The following NTRK2 variants were observed in gnomAD, a reference collection of about 807,000 sequenced individuals.
The protein encoded by NTRK2 is neurotrophic receptor tyrosine kinase 2, also known as BDNF/NT-3 growth factors receptor.
Under a neutral mutation model 94.5 loss-of-function variants are expected in NTRK2, and 13 were observed. The observed-to-expected ratio is 0.14, with a 90% CI of 0.09 to 0.22. The LOEUF is 0.22. Ranked by LOEUF, NTRK2 falls within the 10% of genes least tolerant of loss-of-function variation. NTRK2 has a pLI of 1.00. For missense variants in NTRK2, 639 were observed against 1,071.2 expected (o/e 0.60, Z 5.63); for synonymous variants, 372 against 407.4 (o/e 0.91, Z 1.05).
At chr9:85,006,842 G>C (rs867657275) in intron 17 of NTRK2, among the ~76,000 whole-genome samples, 3 of 152,150 alleles carry the variant, frequency 2.0e-5, no homozygotes, top group Non-Finnish European at 4.4e-5. Context: ...ATCAGCTACT[G>C]TCCATTTTGC....
intron 4 of NTRK2, among the ~76,000 whole-genome samples, chr9:84,706,515 T>TTTTTTG (rs1329331792): frequency 1.8e-5 from 2 of 113,322 alleles, no homozygotes; most frequent in African/African-American, 7.1e-5. Context: ...ATGTGTGTTA[T>TTTTTTG]TTTTTGTTTT....
chr9:84,808,445 A>G (rs982223456), intron 12 of NTRK2, among the ~76,000 whole-genome samples: 5 of 152,198 alleles, frequency 3.3e-5, no homozygotes, highest in African/African-American at 9.6e-5. Context: ...TGCTGTCTCT[A>G]TCACTAAGTT....
chr9:84,698,390 T>C (rs987983460), intron 2 of NTRK2, among the ~76,000 whole-genome samples: 1 of 151,930 alleles, frequency 6.6e-6, no homozygotes, highest in Non-Finnish European at 1.5e-5. Flanking sequence ...ATCTAATATA[T>C]ATATATATAT....
rs923820423 is a variant in NTRK2, at chr9:84,702,208, G to A, written c.262G>A (p.Glu88Lys). The A allele has an allele frequency of 2.1e-5, 34 of 1,614,110 alleles. No homozygotes were observed. The highest frequency in any genetic ancestry group is 2.9e-5 in the Non-Finnish European group (34 of 1,180,036). The change falls in exon 3 of 19, where the codon GAA becomes AAA. Residue 88 changes from glutamate (E) to lysine (K), a missense_variant. Physicochemically the swap from Glu to Lys is moderately conservative, Grantham distance 56. Around this residue, in one of 5 missense-constraint regions of NTRK2, gnomAD observed 206 missense variants for 251.5 expected, o/e 0.82. Coordinates refer to ENST00000277120, the MANE Select transcript of NTRK2 (RefSeq NM_006180.6). ...RLEIINEDDV[E>K]AYVGLRNLTI... ...AGAAATCATCAACGAAGATGATGTT[G>A]AAGCTTATGTGGGACTGAGAAATCT...
intron 2 of NTRK2, among the ~76,000 whole-genome samples, chr9:84,692,547 T>C (rs907020236): frequency 6.7e-6 from 1 of 149,360 alleles, no homozygotes; most frequent in Non-Finnish European, 1.5e-5. Context: ...TTTGGCTCAC[T>C]GTAACCTCTG....
intron 15 of NTRK2, among the ~76,000 whole-genome samples, chr9:84,937,221 C>T (rs1177965163): frequency 1.3e-5 from 2 of 152,228 alleles, no homozygotes; most frequent in South Asian, 4.1e-4. Flanking sequence ...CACAGCTTCT[C>T]ACCTCTATGG....
chr9:84,927,441 G>A (rs536068835), intron 14 of NTRK2, among the ~76,000 whole-genome samples: 49 of 152,248 alleles, frequency 3.2e-4, no homozygotes, highest in African/African-American at 1.1e-3. Flanking sequence ...GGTCCTTGAA[G>A]ACAGGGATTA....
intron 14 of NTRK2, among the ~76,000 whole-genome samples, chr9:84,899,750 A>G (rs1587867727): frequency 6.7e-6 from 1 of 149,530 alleles, no homozygotes; most frequent in East Asian, 1.9e-4. Flanking sequence ...AAAGAGAGTT[A>G]GAGTCAGAAC....
chr9:84,972,440 GAA>G (rs1826295072), intron 17 of NTRK2, among the ~76,000 whole-genome samples: 1 of 152,206 alleles, frequency 6.6e-6, no homozygotes, highest in Admixed American at 6.5e-5. Flanking sequence ...GTGAGTTTAT[GAA>G]GGGGCTTCAG....
intron 14 of NTRK2, among the ~76,000 whole-genome samples, chr9:84,886,922 A>G (rs1274933151): frequency 2.0e-5 from 3 of 152,226 alleles, no homozygotes; most frequent in African/African-American, 7.2e-5. Flanking sequence ...GGAGCAGTGA[A>G]TGGGTGTAAT....
chr9:84,811,271 G>A, intron 12 of NTRK2: 2 of 1,065,010 alleles, frequency 1.9e-6, no homozygotes, highest in Non-Finnish European at 1.1e-6. Context: ...AAGTTCCTTA[G>A]CCAGCAAAAC....
rs946242557 is a variant in NTRK2, at chr9:84,730,534, A to T, written c.1159+2575A>T. Among the ~76,000 whole-genome samples the T allele has an allele frequency of 1.8e-3, 248 of 134,344 alleles. 21 individuals are homozygous for T. The highest frequency in any genetic ancestry group is 7.7e-3 in the African/African-American group (237 of 30,652). The allele number at this position is 134,344 out of a possible 152,430, so 88.1% of individuals were successfully genotyped here. On this transcript the variant is annotated intron_variant, in intron 9 of 18. Transcript: ENST00000277120. The stretch of plus-strand genomic sequence containing the variant: ...GGCGGGCGGATCACGAGGTCAGGAG[A>T]TCGAGACCATCCTGGCTAACACGGT...
At chr9:84,696,634 G>GA (rs1370376783) in intron 2 of NTRK2, among the ~76,000 whole-genome samples, 1 of 152,192 alleles carries the variant, frequency 6.6e-6, no homozygotes, top group Non-Finnish European at 1.5e-5. Context: ...TAGACTCATA[G>GA]AAAAATAAAA....
At chr9:84,873,162 C>T (rs1295185614) in intron 14 of NTRK2, 10 of 1,063,358 alleles carry the variant, frequency 9.4e-6, no homozygotes, top group African/African-American at 1.6e-5. Context: ...GACTGAAAAA[C>T]GGGTAGAAAC....
chr9:84,911,619 T>C (rs891643282), intron 14 of NTRK2, among the ~76,000 whole-genome samples: 1 of 152,196 alleles, frequency 6.6e-6, no homozygotes, highest in African/African-American at 2.4e-5. Flanking sequence ...TGTTTTATTC[T>C]TGATGTTGGT....
intron 12 of NTRK2, among the ~76,000 whole-genome samples, chr9:84,850,691 G>A (rs553633861): frequency 5.3e-5 from 8 of 152,124 alleles, no homozygotes; most frequent in African/African-American, 1.2e-4. Context: ...AGGAAATAAC[G>A]AATCTAAGAC....
intron 14 of NTRK2, among the ~76,000 whole-genome samples, chr9:84,889,206 G>A (rs2076522111): frequency 6.7e-6 from 1 of 149,296 alleles, no homozygotes. Flanking sequence ...TAGCCAGGAT[G>A]GTCTCGATCT....
At chr9:84,948,860 A>C (rs2078685783) in intron 16 of NTRK2, among the ~76,000 whole-genome samples, 1 of 152,232 alleles carries the variant, frequency 6.6e-6, no homozygotes, top group African/African-American at 2.4e-5. Flanking sequence ...GATCCAACTC[A>C]ATTCAGTCCG....
chr9:84,817,116 C>T (rs2072475938), intron 12 of NTRK2, among the ~76,000 whole-genome samples: 1 of 152,140 alleles, frequency 6.6e-6, no homozygotes, highest in African/African-American at 2.4e-5. Context: ...CAGGTAAAGC[C>T]CTTGGCACAT....
Sources: gnomAD v4.1 joint callset for allele counts (sites outside exome capture counted in the v4.1 genomes callset) on GRCh38, gnomAD v4.1.1 for gene constraint, gnomAD v4.1.1 regional missense constraint, MANE v1.5 for transcripts, NCBI Gene and HGNC (gene_info 2026-07-23, HGNC 2026-07-21) for gene names.